Variants in PLCL2 observed in about 807,000 individuals in gnomAD.
PLCL2 encodes the protein inactive phospholipase C-like protein 2.
In PLCL2, 4 loss-of-function variants were observed where a neutral mutation model predicts 79.6. That is an observed-to-expected ratio of 0.05 (90% confidence interval 0.02 to 0.11). The LOEUF is 0.11. PLCL2 is among the 10% of genes least tolerant of loss of function. The pLI, the probability that PLCL2 is intolerant of heterozygous loss-of-function variation, is 1.00. For missense variants in PLCL2, 895 were observed against 1,291.0 expected (o/e 0.69, Z 4.70); for synonymous variants, 484 against 457.7 (o/e 1.06, Z -0.73).
intron 5 of PLCL2, among the ~76,000 whole-genome samples, chr3:17,076,114 T>C (rs903285825): frequency 3.9e-5 from 6 of 152,150 alleles, no homozygotes; most frequent in Non-Finnish European, 8.8e-5. Context: ...ACAACTGATG[T>C]TCCATTTTGC....
chr3:16,953,932 A>G (rs745415321), intron 1 of PLCL2, among the ~76,000 whole-genome samples: 119 of 152,166 alleles, frequency 7.8e-4, no homozygotes, highest in Non-Finnish European at 4.9e-4. Context: ...ATTTGATGTA[A>G]TGTAACTGAT....
At position 17,047,747 on chromosome 3, in the gene PLCL2, G is replaced by T. The variant is rs549886510; in HGVS notation, c.3094+4798G>T. ...CAGTTTAATGCAGTGATTTCTTGGA[G>T]GCTTTAAGTTTGGAGGCCCCTTAAC... On this transcript the variant is annotated intron_variant, in intron 4 of 5. Coordinates refer to ENST00000615277, the MANE Select transcript of PLCL2 (RefSeq NM_001144382.2). Among the ~76,000 whole-genome samples the T allele has an allele frequency of 2.0e-5, 3 of 152,296 alleles. No homozygotes were observed. In the South Asian group the frequency reaches 6.2e-4, roughly 32 times the overall value.
In PLCL2 at chr3:17,011,824, G is replaced by A; in HGVS notation, c.2478G>A (p.Met826Ile). ...EFQINLPELA[M>I]VRFVVLDDDY... is the part of the protein sequence containing the mutation. ...AAATCAACCTGCCTGAACTGGCCAT[G>A]GTGCGCTTTGTAGTGCTGGATGATG... The change falls in exon 2 of 6, where the codon ATG becomes ATA. Residue 826 changes from methionine (M) to isoleucine (I), a missense_variant. Met to Ile is a conservative substitution (Grantham distance 10). Around this residue, in one of 6 missense-constraint regions of PLCL2, gnomAD observed 298 missense variants for 459.6 expected, o/e 0.65. Transcript: ENST00000615277. The surrounding 1 kb of genome is among the most constrained non-coding windows in gnomAD (Gnocchi z 7.9). The A allele has an allele frequency of 1.2e-6, 2 of 1,614,232 alleles. No homozygotes were observed. Among genetic ancestry groups the A allele is most frequent in the Non-Finnish European group, 1.7e-6 (2 of 1,180,036 alleles).
intron 1 of PLCL2, among the ~76,000 whole-genome samples, chr3:16,946,266 C>G (rs897447354): frequency 7.2e-5 from 11 of 152,118 alleles, no homozygotes; most frequent in African/African-American, 2.4e-4. Context: ...TGTTCACCAG[C>G]TTTCCCAGTG....
chr3:16,983,885 T>C (rs972756998), intron 1 of PLCL2, among the ~76,000 whole-genome samples: 2 of 152,246 alleles, frequency 1.3e-5, no homozygotes, highest in African/African-American at 4.8e-5. Flanking sequence ...AATGCTTTCA[T>C]TGCATTTTGC....
At chr3:17,032,650 G>GTA (rs34668622) in intron 3 of PLCL2, among the ~76,000 whole-genome samples, 27,653 of 152,030 alleles carry the variant, frequency 0.18, 3,043 homozygotes, top group East Asian at 0.54. Context: ...ACCCACAACT[G>GTA]TAAACAGTAG....
chr3:17,048,784 T>C (rs1311694061), intron 4 of PLCL2, among the ~76,000 whole-genome samples: 2 of 152,178 alleles, frequency 1.3e-5, no homozygotes, highest in African/African-American at 4.8e-5. Flanking sequence ...CAGTAAAAAG[T>C]GATCTCTCAC....
rs1696215854 is a variant in PLCL2, at chr3:16,886,098, T to C, written c.327+732T>C. On this transcript the variant is annotated intron_variant, in intron 1 of 5. Coordinates refer to ENST00000615277, the MANE Select transcript of PLCL2 (RefSeq NM_001144382.2). The surrounding 1 kb of genome is among the most constrained non-coding windows in gnomAD (Gnocchi z 4.2). ...TAGCGGAAGAAAGCCAGCGATTGTT[T>C]TGAGCATTTTAAACTCAAGAAGTAA... is the stretch of plus-strand genomic sequence containing the variant. 6.6e-6 allele frequency among the ~76,000 whole-genome samples: 1 copy of C among 152,222 alleles called. No homozygotes were observed. Among genetic ancestry groups the C allele is most frequent in the Non-Finnish European group, 1.5e-5 (1 of 68,032 alleles).
In PLCL2 at chr3:17,009,016, A is replaced by C. The variant is rs932238779; in HGVS notation, c.328-658A>C. 6.7e-6 allele frequency among the ~76,000 whole-genome samples: 1 copy of C among 148,988 alleles called. No individual in the cohort carries two copies. The highest frequency in any genetic ancestry group is 1.5e-5 in the Non-Finnish European group (1 of 67,288). Reference sequence around the variant, plus strand: ...TTTTTTTTTTTTGAGACGGATTCTCACTCTGTTGCCCAGGCTGGAGTGCAG... The same window carrying C: ...TTTTTTTTTTTTGAGACGGATTCTCCCTCTGTTGCCCAGGCTGGAGTGCAG... On this transcript the variant is annotated intron_variant, in intron 1 of 5. Transcript: ENST00000615277. This position sits in a 1 kb window ranked among gnomAD's most constrained non-coding sequence, Gnocchi z 4.0.
chr3:16,985,990 C>T lies in PLCL2; in HGVS notation c.328-23684C>T, dbSNP rs775295110. On this transcript the variant is annotated intron_variant, in intron 1 of 5. Transcript: ENST00000615277. Reference sequence around the variant, plus strand: ...GACATAAGAAGCCCATAAGTCTGAGCGGCTTTGGGCATGTTATTGGGAGTG... The same window carrying T: ...GACATAAGAAGCCCATAAGTCTGAGTGGCTTTGGGCATGTTATTGGGAGTG... Among the ~76,000 whole-genome samples, 15 of 151,990 alleles carry T rather than the reference C, an allele frequency of 9.9e-5. 1 individual carries two copies. Among genetic ancestry groups the T allele is most frequent in the African/African-American group, 2.2e-4 (9 of 41,432 alleles).
intron 1 of PLCL2, among the ~76,000 whole-genome samples, chr3:16,953,919 T>G (rs73146993): frequency 6.6e-6 from 1 of 152,038 alleles, no homozygotes; most frequent in Non-Finnish European, 1.5e-5. Flanking sequence ...CAATTTTGAG[T>G]TGATTTGATG....
chr3:16,942,648 A>C (rs1279842233), intron 1 of PLCL2, among the ~76,000 whole-genome samples: 1 of 151,898 alleles, frequency 6.6e-6, no homozygotes, highest in Non-Finnish European at 1.5e-5. Flanking sequence ...CTCTTTTTCA[A>C]ATTTTTATTT....
chr3:17,057,584 G>A (rs2064904273), intron 4 of PLCL2, among the ~76,000 whole-genome samples: 1 of 152,230 alleles, frequency 6.6e-6, no homozygotes. Context: ...AACAATTATA[G>A]TGAAGCTTCA....
intron 1 of PLCL2, among the ~76,000 whole-genome samples, chr3:16,922,486 G>A (rs1436445468): frequency 6.6e-6 from 1 of 152,102 alleles, no homozygotes; most frequent in Non-Finnish European, 1.5e-5. Context: ...AGGGAAATAT[G>A]TCTTCCTATG....
intron 1 of PLCL2, among the ~76,000 whole-genome samples, chr3:16,907,958 T>G (rs555274622): frequency 6.6e-6 from 1 of 152,226 alleles, no homozygotes; most frequent in African/African-American, 2.4e-5. Flanking sequence ...TCCAATGATA[T>G]GTATTCATGT....
intron 1 of PLCL2, among the ~76,000 whole-genome samples, chr3:16,989,835 A>G (rs2064085526): frequency 6.6e-6 from 1 of 152,246 alleles, no homozygotes; most frequent in Non-Finnish European, 1.5e-5. Context: ...TTATGTAAAT[A>G]TGTAGCTAGA....
chr3:16,962,565 TTGA>T (rs1417590656), intron 1 of PLCL2, among the ~76,000 whole-genome samples: 2 of 152,306 alleles, frequency 1.3e-5, no homozygotes, highest in African/African-American at 4.8e-5. Context: ...GATATACTCA[TTGA>T]TATTTTCATA....
At chr3:16,901,108 C>T (rs1419636711) in intron 1 of PLCL2, among the ~76,000 whole-genome samples, 1 of 152,166 alleles carries the variant, frequency 6.6e-6, no homozygotes, top group South Asian at 2.1e-4. Context: ...TTTGATAAGG[C>T]AGAGCAGCTG....
intron 2 of PLCL2, among the ~76,000 whole-genome samples, chr3:17,013,812 C>T (rs1040200015): frequency 1.3e-5 from 2 of 152,142 alleles, no homozygotes; most frequent in Admixed American, 6.5e-5. Context: ...TTATTACTCA[C>T]GGTGACTCAA....
Sources: gnomAD v4.1 joint callset for allele counts (sites outside exome capture counted in the v4.1 genomes callset) on GRCh38, gnomAD v4.1.1 for gene constraint, gnomAD v4.1.1 regional missense constraint, Gnocchi (gnomAD v3.1) non-coding constraint, MANE v1.5 for transcripts, NCBI Gene and HGNC (gene_info 2026-07-23, HGNC 2026-07-21) for gene names.